The following NOTCH2 variants were observed in gnomAD, a reference collection of about 807,000 sequenced individuals.
The protein encoded by NOTCH2 is neurogenic locus notch homolog protein 2.
Under a neutral mutation model 235.8 loss-of-function variants are expected in NOTCH2, and 29 were observed. The observed-to-expected ratio is 0.12, with a 90% CI of 0.09 to 0.17. NOTCH2 has a LOEUF of 0.17. Ranked by LOEUF, NOTCH2 falls within the 10% of genes least tolerant of loss-of-function variation. The pLI, the probability that NOTCH2 is intolerant of heterozygous loss-of-function variation, is 1.00. For synonymous variants in NOTCH2, 1,086 were observed against 1,141.5 expected (o/e 0.95, Z 0.98); for missense variants, 2,285 against 3,150.2 (o/e 0.73, Z 6.57).
chr1:119,957,723 C>T (rs1414107700), intron 12 of NOTCH2, among the ~76,000 whole-genome samples: 1 of 151,898 alleles, frequency 6.6e-6, no homozygotes, highest in East Asian at 1.9e-4. Flanking sequence ...TATTTTTAGC[C>T]TATGTTCTCC....
intron 17 of NOTCH2, among the ~76,000 whole-genome samples, chr1:119,943,732 G>C (rs1338819791): frequency 1.3e-5 from 2 of 151,966 alleles, no homozygotes; most frequent in African/African-American, 4.8e-5. Context: ...AATATGAACA[G>C]AAACATACTC....
chr1:119,913,232 CTT>C lies in NOTCH2; in HGVS notation c.*2072_*2073del, dbSNP rs1648950532. ...GAGAATAAAGCAGAGAATGAACAAA[CTT>C]AATCTGCTTATCTCAGGGCAGAAGT... On this transcript the variant is annotated 3_prime_UTR_variant, in exon 34 of 34. Coordinates refer to ENST00000256646, the MANE Select transcript of NOTCH2 (RefSeq NM_024408.4). The C allele has an allele frequency of 1.7e-5, 4 of 233,264 alleles. No individual in the cohort carries two copies. Among genetic ancestry groups the C allele is most frequent in the Admixed American group, 1.7e-4 (3 of 17,804 alleles). 14.4% of individuals were successfully genotyped at this position (233,264 alleles called of 1,614,324 possible).
In NOTCH2 at chr1:119,987,807, T is replaced by G. The variant is rs587730716; in HGVS notation, c.752-725A>C. ...ATTACTAACTAAGCTTACCAGCACT[T>G]CAAATTCATCAGGCTCTTCTCTAAA... On this transcript the variant is annotated intron_variant, in intron 4 of 33. Coordinates refer to ENST00000256646, the MANE Select transcript of NOTCH2 (RefSeq NM_024408.4). Among the ~76,000 whole-genome samples the G allele has an allele frequency of 6.1e-4, 93 of 152,298 alleles. 1 individual carries two copies. The highest frequency in any genetic ancestry group is 6.8e-3 in the Middle Eastern group (2 of 292).
intron 12 of NOTCH2, among the ~76,000 whole-genome samples, chr1:119,957,640 G>C (rs1471350462): frequency 6.6e-6 from 1 of 151,968 alleles, no homozygotes; most frequent in Non-Finnish European, 1.5e-5. Context: ...ATGAACAGGG[G>C]ACCACCTAGT....
intron 3 of NOTCH2, 33 bp from the exon 4 acceptor site, chr1:119,997,365 C>T (rs782580341): frequency 6.2e-7 from 1 of 1,606,402 alleles, no homozygotes; most frequent in Non-Finnish European, 8.5e-7. Flanking sequence ...CAGTACTGGC[C>T]ACAGAAATAG....
chr1:119,978,756 C>T (rs1651695288), intron 5 of NOTCH2, among the ~76,000 whole-genome samples: 1 of 152,076 alleles, frequency 6.6e-6, no homozygotes, highest in African/African-American at 2.4e-5. Context: ...GTTGTTGAGC[C>T]AGTTTACATA....
At chr1:119,952,605 G>A (rs1650524054) in intron 14 of NOTCH2, among the ~76,000 whole-genome samples, 1 of 152,144 alleles carries the variant, frequency 6.6e-6, no homozygotes, top group Non-Finnish European at 1.5e-5. Flanking sequence ...GGCCACCACT[G>A]ATCTGACAGA....
At chr1:120,011,826 C>A (rs1413045897) in intron 2 of NOTCH2, among the ~76,000 whole-genome samples, 2 of 151,562 alleles carry the variant, frequency 1.3e-5, no homozygotes, top group East Asian at 3.9e-4. Flanking sequence ...ACCATCCTGG[C>A]TAACACAGTG....
intron 3 of NOTCH2, among the ~76,000 whole-genome samples, chr1:120,005,014 C>T (rs1652909832): frequency 6.6e-6 from 1 of 152,228 alleles, no homozygotes; most frequent in Non-Finnish European, 1.5e-5. Flanking sequence ...TCTCAAACCT[C>T]TAGCCTCAAG....
chr1:119,987,127 A>C lies in NOTCH2; in HGVS notation c.752-45T>G, dbSNP rs2453040. On this transcript the variant is annotated intron_variant, in intron 4 of 33. Transcript: ENST00000256646. The stretch of plus-strand genomic sequence containing the variant: ...TGAAAATGATGAAATCTCATACAGA[A>C]GAAACGACCTGCTCTGTTCCCACAG... 0.12 allele frequency: 189,924 copies of C among 1,609,892 alleles called. 13,820 individuals carry two copies. Among genetic ancestry groups the C allele is most frequent in the African/African-American group, 0.32 (24,077 of 74,822 alleles).
chr1:119,915,668 C>G lies in NOTCH2; in HGVS notation c.7054G>C (p.Ala2352Pro), dbSNP rs1649039262. The G allele has an allele frequency of 1.2e-6, 2 of 1,613,604 alleles. No homozygotes were observed. The highest frequency in any genetic ancestry group is 1.7e-6 in the Non-Finnish European group (2 of 1,179,734). The change falls in exon 34 of 34, where the codon GCT becomes CCT. Residue 2352 changes from alanine to proline, a missense_variant. Ala to Pro is a conservative substitution (Grantham distance 27). Around this residue, in one of 6 missense-constraint regions of NOTCH2, gnomAD observed 504 missense variants for 538.0 expected, o/e 0.94. Transcript: ENST00000256646. ...IPEMARLPSV[A>P]FPTAMMPQQD... ...TGGGGCATCATGGCAGTGGGGAAAG[C>G]CACACTGGGCAAACGGGCCATTTCT...
chr1:119,940,609 G>C lies in NOTCH2; in HGVS notation c.3129C>G (p.Gly1043=). ...GGCAGCTGCAGCGGTAGGTACCCAG[G>C]CCATCAACACACGTTCCCTCATTCA... ...PCLNEGTCVD[G]LGTYRCSCPL... The change falls in exon 19 of 34, where the codon GGC becomes GGG. Residue 1043 remains glycine (G), a synonymous_variant. Transcript: ENST00000256646. 6.2e-7 allele frequency: 1 copy of C among 1,614,036 alleles called. No homozygotes were observed. Among genetic ancestry groups the C allele is most frequent in the Non-Finnish European group, 8.5e-7 (1 of 1,179,942 alleles).
chr1:119,988,681 C>T (rs1652112218), intron 4 of NOTCH2, among the ~76,000 whole-genome samples: 1 of 152,096 alleles, frequency 6.6e-6, no homozygotes, highest in Non-Finnish European at 1.5e-5. Flanking sequence ...AATTTAAAGA[C>T]ATAGTTTTAG....
At chr1:119,947,093 C>G (rs1177206923) in intron 17 of NOTCH2, among the ~76,000 whole-genome samples, 1 of 151,966 alleles carries the variant, frequency 6.6e-6, no homozygotes, top group Non-Finnish European at 1.5e-5. Flanking sequence ...TAGAAGAAAC[C>G]ACAGTAGATA....
rs143995454 is a variant in NOTCH2, at chr1:119,925,355, G to A, written c.4461C>T (p.Val1487=). Residue 1487 remains valine (V), a synonymous_variant, in exon 25 of 34, where the codon GTC becomes GTT. Coordinates refer to ENST00000256646, the MANE Select transcript of NOTCH2 (RefSeq NM_024408.4). ...ATTCAAAGTTGTCAAACAGGCACTCGACCGTGTTGCACAGCTCATCACACT... is the reference window on the plus strand; with the variant it reads ...ATTCAAAGTTGTCAAACAGGCACTCAACCGTGTTGCACAGCTCATCACACT... ...NNQCDELCNT[V]ECLFDNFECQ... The A allele has an allele frequency of 2.1e-5, 34 of 1,614,094 alleles. No homozygotes were observed. In the African/African-American group the frequency reaches 2.5e-4, roughly 12 times the overall value.
At chr1:120,060,504 G>A (rs1357018149) in intron 1 of NOTCH2, among the ~76,000 whole-genome samples, 6 of 150,286 alleles carry the variant, frequency 4.0e-5, no homozygotes, top group Non-Finnish European at 8.9e-5. Flanking sequence ...AAATCTAAGG[G>A]TAAAAAAACC....
chr1:119,981,369 C>T (rs1002552554), intron 5 of NOTCH2, among the ~76,000 whole-genome samples: 10 of 152,132 alleles, frequency 6.6e-5, no homozygotes, highest in African/African-American at 2.4e-4. Flanking sequence ...TCAATTTTAC[C>T]ACTCTTAAAA....
At chr1:119,957,638 G>C (rs1178164151) in intron 12 of NOTCH2, among the ~76,000 whole-genome samples, 2 of 151,930 alleles carry the variant, frequency 1.3e-5, no homozygotes, top group African/African-American at 4.8e-5. Context: ...CCATGAACAG[G>C]GGACCACCTA....
chr1:119,938,199 G>A (rs1335178220), intron 19 of NOTCH2, among the ~76,000 whole-genome samples, 189 bp from the exon 20 acceptor site: 2 of 152,020 alleles, frequency 1.3e-5, no homozygotes, highest in Non-Finnish European at 2.9e-5. Context: ...TTTACGTACC[G>A]TTAAGTCTTC....
Sources: allele counts gnomAD v4.1 joint callset (sites outside exome capture counted in the v4.1 genomes callset), GRCh38; gene constraint gnomAD v4.1.1; regional missense constraint gnomAD v4.1.1; transcripts MANE v1.5; gene names NCBI Gene and HGNC (gene_info 2026-07-23, HGNC 2026-07-21).